Variants in FRY observed in about 807,000 individuals in gnomAD.
The protein encoded by FRY is protein furry homolog.
A neutral mutation model predicts 348.4 loss-of-function variants in FRY; 128 were observed. The ratio of observed to expected loss-of-function variants is 0.37; its 90% CI spans 0.32 to 0.43. The LOEUF (loss-of-function observed/expected upper bound fraction) is 0.43, where lower values mean the gene tolerates loss of function less well. Ranked by LOEUF, FRY falls within the 20% of genes least tolerant of loss-of-function variation. The probability of loss-of-function intolerance (pLI) is 1.00; values close to 1 mark genes in which losing one functional copy is unlikely to be tolerated. For synonymous variants in FRY, 1,370 were observed against 1,374.7 expected (o/e 1.00, Z 0.08); for missense variants, 2,736 against 3,695.2 (o/e 0.74, Z 6.73).
At chr13:32,156,506 C>T (rs2427867) in intron 15 of FRY, among the ~76,000 whole-genome samples, 103,925 of 150,344 alleles carry the variant, frequency 0.69, 36,242 homozygotes, top group East Asian at 0.98. Flanking sequence ...GAGGCTAAGG[C>T]AGGAAAATCA....
At chr13:32,085,960 C>T (rs748458927) in intron 2 of FRY, 2 of 518,976 alleles carry the variant, frequency 3.9e-6, no homozygotes, top group Admixed American at 1.9e-5. Flanking sequence ...GAAGACAACA[C>T]CCCCAACGAT....
chr13:32,234,583 T>C lies in FRY; in HGVS notation c.5537T>C (p.Leu1846Pro), dbSNP rs775221371. ...GCTCTTGTTACCCTAGGCTTCCATC[T>C]GGAGCACCAGTTGAGTGAAGTTGCA... The part of the protein sequence containing the change: ...VFKDSKSGFH[L>P]EHQLSEVALQ... Residue 1846 changes from leucine (L) to proline (P), a missense_variant, in exon 42 of 61, where the codon CTG becomes CCG. Around this residue, in one of 9 missense-constraint regions of FRY, gnomAD observed 794 missense variants for 977.0 expected, o/e 0.81. Transcript: ENST00000542859. The C allele has an allele frequency of 1.2e-6, 2 of 1,614,022 alleles. No homozygotes were observed. The highest frequency in any genetic ancestry group is 3.3e-5 in the Admixed American group (2 of 60,022).
intron 1 of FRY, among the ~76,000 whole-genome samples, chr13:32,067,034 A>G (rs1874300013): frequency 6.6e-6 from 1 of 152,242 alleles, no homozygotes; most frequent in Non-Finnish European, 1.5e-5. Context: ...GACAAGAGAT[A>G]GTCTTGTTTT....
intron 1 of FRY, among the ~76,000 whole-genome samples, chr13:32,078,405 G>A (rs1243970211): frequency 6.6e-6 from 1 of 152,156 alleles, no homozygotes; most frequent in Non-Finnish European, 1.5e-5. Flanking sequence ...TCCATTATTA[G>A]AATGAAGCAC....
Sources: gnomAD v4.1 joint callset for allele counts (sites outside exome capture counted in the v4.1 genomes callset) on GRCh38, gnomAD v4.1.1 for gene constraint, gnomAD v4.1.1 regional missense constraint, MANE v1.5 for transcripts, NCBI Gene and HGNC (gene_info 2026-07-23, HGNC 2026-07-21) for gene names.